Variants in CACNA2D3 observed in about 807,000 individuals in gnomAD.
The protein encoded by CACNA2D3 is calcium voltage-gated channel auxiliary subunit alpha2delta 3.
CACNA2D3 carries 60 observed loss-of-function variants against 160.6 expected under a neutral mutation model. That is an observed-to-expected ratio of 0.37 (90% CI 0.30 to 0.46). The LOEUF (loss-of-function observed/expected upper bound fraction) is 0.46. CACNA2D3 is among the 20% of genes least tolerant of loss of function. The pLI is 1.00. For missense variants in CACNA2D3, 1,205 were observed against 1,365.0 expected, an observed-to-expected ratio of 0.88 and a Z score of 1.85; for synonymous variants, 558 against 492.9, an observed-to-expected ratio of 1.13 and a Z score of -1.75.
chr3:54,141,084 T>TGTGTGTGTGTGTGTGTGTGTGTGCGCGC (rs1553731306), intron 2 of CACNA2D3, among the ~76,000 whole-genome samples: 1 of 112,380 alleles, frequency 8.9e-6, no homozygotes, highest in South Asian at 3.1e-4. Flanking sequence ...TGTGTGTGTG[T>TGTGTGTGTGTGTGTGTGTGTGTGCGCGC]GTGCGCGCGC....
chr3:54,359,626 T>G (rs987235765), intron 3 of CACNA2D3, among the ~76,000 whole-genome samples: 3 of 152,190 alleles, frequency 2.0e-5, no homozygotes, highest in African/African-American at 7.2e-5. Flanking sequence ...AAGGGTTCCA[T>G]GGTCAAACGT....
chr3:54,595,316 G>GTA (rs1237616908), intron 9 of CACNA2D3, among the ~76,000 whole-genome samples: 3 of 99,890 alleles, frequency 3.0e-5, no homozygotes, highest in African/African-American at 9.7e-5. Flanking sequence ...TGTGTGTGGT[G>GTA]TGTGTGTGTG....
intron 3 of CACNA2D3, among the ~76,000 whole-genome samples, chr3:54,359,674 A>G (rs1698709809): frequency 6.6e-6 from 1 of 152,228 alleles, no homozygotes; most frequent in South Asian, 2.1e-4. Flanking sequence ...TTATAGTTGC[A>G]TGACATCTAT....
chr3:54,965,452 C>T (rs1397648305), intron 27 of CACNA2D3, among the ~76,000 whole-genome samples: 1 of 152,188 alleles, frequency 6.6e-6, no homozygotes, highest in Non-Finnish European at 1.5e-5. Flanking sequence ...GCTCTCCATG[C>T]CTCACCTTAC....
intron 12 of CACNA2D3, among the ~76,000 whole-genome samples, chr3:54,763,494 T>C (rs931008669): frequency 9.2e-5 from 14 of 152,030 alleles, no homozygotes; most frequent in African/African-American, 3.4e-4. Context: ...TTAATTTTTA[T>C]GGTTCCTAGT....
At chr3:54,857,605 A>T (rs1436449116) in intron 17 of CACNA2D3, among the ~76,000 whole-genome samples, 2 of 152,136 alleles carry the variant, frequency 1.3e-5, no homozygotes, top group African/African-American at 4.8e-5. Context: ...TCTCTGAATC[A>T]CTTTGCCATG....
chr3:54,440,511 G>C (rs1396556104), intron 4 of CACNA2D3, among the ~76,000 whole-genome samples: 1 of 151,982 alleles, frequency 6.6e-6, no homozygotes, highest in Non-Finnish European at 1.5e-5. Flanking sequence ...TATACTTTAA[G>C]TTTTAGGGTA....
chr3:54,987,438 A>G (rs1361837477), intron 30 of CACNA2D3, among the ~76,000 whole-genome samples: 1 of 152,100 alleles, frequency 6.6e-6, no homozygotes, highest in African/African-American at 2.4e-5. Context: ...GCGTGTTTTA[A>G]TTTCAGCATT....
intron 2 of CACNA2D3, among the ~76,000 whole-genome samples, chr3:54,206,489 T>C (rs1456737869): frequency 1.3e-5 from 2 of 152,168 alleles, no homozygotes; most frequent in African/African-American, 4.8e-5. Context: ...CAAATTATAA[T>C]GGTTCTCTCC....
At chr3:54,873,125 A>G (rs985645232) in intron 18 of CACNA2D3, among the ~76,000 whole-genome samples, 1 of 152,060 alleles carries the variant, frequency 6.6e-6, no homozygotes, top group African/African-American at 2.4e-5. Context: ...AATGAGTGTG[A>G]TGGCAGTTGT....
At chr3:54,123,314 C>G in intron 1 of CACNA2D3, 199 bp from the exon 2 acceptor site, 3 of 578,076 alleles carry the variant, frequency 5.2e-6, no homozygotes, top group Non-Finnish European at 9.2e-6. Flanking sequence ...CGACCCCCCT[C>G]GGGCCCCCTC....
At chr3:54,940,929 C>T (rs530478387) in intron 27 of CACNA2D3, among the ~76,000 whole-genome samples, 1 of 152,222 alleles carries the variant, frequency 6.6e-6, no homozygotes, top group South Asian at 2.1e-4. Context: ...GCCATAAATG[C>T]CGATCCTCTT....
At chr3:54,659,353 A>C (rs985217353) in intron 11 of CACNA2D3, among the ~76,000 whole-genome samples, 2 of 152,100 alleles carry the variant, frequency 1.3e-5, no homozygotes, top group Non-Finnish European at 2.9e-5. Context: ...ATTTCCTATG[A>C]GCATCACTTC....
chr3:54,464,236 T>C (rs1559488630), intron 4 of CACNA2D3, among the ~76,000 whole-genome samples: 1 of 152,196 alleles, frequency 6.6e-6, no homozygotes, highest in African/African-American at 2.4e-5. Flanking sequence ...GGGACCCACT[T>C]GAGGAGGCAG....
chr3:54,348,289 G>C lies in CACNA2D3; in HGVS notation c.321+27731G>C, dbSNP rs114235469. 4.4e-3 allele frequency among the ~76,000 whole-genome samples: 669 copies of C among 152,300 alleles called. 3 individuals are homozygous for C. The highest frequency in any genetic ancestry group is 0.021 in the South Asian group (100 of 4,820). ...TCTCAGCCTGAGTAAGTATTGGTAC[G>C]TTTTGGTGGAGTTATTTTTGATTTC... On this transcript the variant is annotated intron_variant, in intron 3 of 37. Transcript: ENST00000474759.
chr3:54,141,094 C>CGCGCGCGCGCGCGCGCGCGCGCACGT (rs768348036), intron 2 of CACNA2D3, among the ~76,000 whole-genome samples: 1 of 81,892 alleles, frequency 1.2e-5, no homozygotes, highest in African/African-American at 3.8e-5. Context: ...TGTGCGCGCG[C>CGCGCGCGCGCGCGCGCGCGCGCACGT]GCGCGTGTGT....
rs544747412 is a variant in CACNA2D3 at position 54,699,020 on chromosome 3, G to A, written c.1168-53579G>A. On this transcript the variant is annotated intron_variant, in intron 11 of 37. Coordinates refer to ENST00000474759, the MANE Select transcript of CACNA2D3 (RefSeq NM_018398.3). ...TTTAGGTAAGAAGGGTGTAATTACCGTTATTATTTAGTGATTACTGGTGCT... is the reference window on the plus strand; with the variant it reads ...TTTAGGTAAGAAGGGTGTAATTACCATTATTATTTAGTGATTACTGGTGCT... Among the ~76,000 whole-genome samples, 18 of 152,256 alleles carry A rather than the reference G, an allele frequency of 1.2e-4. No homozygotes were observed. In the East Asian group the frequency reaches 2.9e-3, roughly 25 times the overall value.
intron 14 of CACNA2D3, among the ~76,000 whole-genome samples, chr3:54,817,721 G>A (rs988306391): frequency 2.0e-5 from 3 of 152,190 alleles, no homozygotes; most frequent in African/African-American, 7.2e-5. Context: ...CATTGAGAGA[G>A]AGCACAACTG....
chr3:54,204,849 A>ATGG (rs1199188914), intron 2 of CACNA2D3, among the ~76,000 whole-genome samples: 1 of 151,470 alleles, frequency 6.6e-6, no homozygotes, highest in Non-Finnish European at 1.5e-5. Context: ...AAATGGAGAC[A>ATGG]TGGAAGAGGA....
Sources: gnomAD v4.1 joint callset for allele counts (sites outside exome capture counted in the v4.1 genomes callset) on GRCh38, gnomAD v4.1.1 for gene constraint, MANE v1.5 for transcripts, NCBI Gene and HGNC (gene_info 2026-07-23, HGNC 2026-07-21) for gene names.